Variants in PIEZO2 observed in about 807,000 individuals in gnomAD.
The protein encoded by PIEZO2 is piezo-type mechanosensitive ion channel component 2.
In PIEZO2, 172 loss-of-function variants were observed where a neutral mutation model predicts 337.3. The ratio of observed to expected loss-of-function variants is 0.51; its 90% CI spans 0.45 to 0.58. PIEZO2 has a LOEUF of 0.58. Ranked by LOEUF, PIEZO2 falls within the 20% of genes least tolerant of loss-of-function variation. The pLI is 0.00. For missense variants in PIEZO2, 3,028 were observed against 3,391.3 expected, an observed-to-expected ratio of 0.89 and a Z score of 2.66; for synonymous variants, 1,251 against 1,228.5, an observed-to-expected ratio of 1.02 and a Z score of -0.38.
chr18:10,714,472 G>A (rs1382926522), intron 39 of PIEZO2, among the ~76,000 whole-genome samples: 1 of 151,588 alleles, frequency 6.6e-6, no homozygotes, highest in Non-Finnish European at 1.5e-5. Flanking sequence ...TAACTTTGGG[G>A]TTGGGAGGGA....
At chr18:10,955,892 C>G (rs2033500004) in intron 3 of PIEZO2, among the ~76,000 whole-genome samples, 1 of 152,096 alleles carries the variant, frequency 6.6e-6, no homozygotes, top group Admixed American at 6.6e-5. Context: ...CTACCATATC[C>G]CCAGCATTAG....
Position 10,675,265 on chromosome 18 carries a change from T to A in PIEZO2, c.8105A>T (p.Tyr2702Phe). 19 of 1,541,378 alleles carry A rather than the reference T, an allele frequency of 1.2e-5. No individual in the cohort carries two copies. Among genetic ancestry groups the A allele is most frequent in the Non-Finnish European group, 1.7e-5 (19 of 1,138,942 alleles). Residue 2702 changes from tyrosine (Y) to phenylalanine (F), a missense_variant, in exon 54 of 56, where the codon TAT (tyrosine) becomes TTT (phenylalanine). Tyr to Phe is a conservative substitution (Grantham distance 22, BLOSUM62 3). This residue lies in a region of PIEZO2 where 332 missense variants were observed against 363.8 expected (regional missense o/e 0.91). Coordinates refer to ENST00000674853, the MANE Select transcript of PIEZO2 (RefSeq NM_001378183.1). ...AGAATCACTAGGTGCTTTCACATAATATGGATAAATCTTTTCTATGGTCCT... is the reference window on the plus strand; with the variant it reads ...AGAATCACTAGGTGCTTTCACATAAAATGGATAAATCTTTTCTATGGTCCT... Reference protein sequence around the residue: ...TPVTIEKIYPYYVKAPSDSNS... With the variant: ...TPVTIEKIYPFYVKAPSDSNS...
In PIEZO2 at chr18:10,859,377, C is replaced by T. The variant is rs543236364; in HGVS notation, c.493-2166G>A. Among the ~76,000 whole-genome samples, 6 of 152,328 alleles carry T rather than the reference C, an allele frequency of 3.9e-5. No homozygotes were observed. The South Asian group carries it at 1.0e-3, about 26-fold the overall frequency. ...TGCTCCCAGAGAGGAGCTGCCAGCT[C>T]CAGCCAGTACATCAGACCACTCACC... On this transcript the variant is annotated intron_variant, in intron 5 of 55. Coordinates refer to ENST00000674853, the MANE Select transcript of PIEZO2 (RefSeq NM_001378183.1). This position sits in a 1 kb window ranked among gnomAD's most constrained non-coding sequence, Gnocchi z 4.9.
chr18:10,867,779 C>T (rs1389000955), intron 5 of PIEZO2, among the ~76,000 whole-genome samples: 2 of 152,192 alleles, frequency 1.3e-5, no homozygotes, highest in East Asian at 3.8e-4. Context: ...CTCTTTTCTA[C>T]TCAATTTAAT....
chr18:10,708,809 G>T (rs1277809831), intron 39 of PIEZO2, among the ~76,000 whole-genome samples: 2 of 152,176 alleles, frequency 1.3e-5, no homozygotes, highest in Non-Finnish European at 2.9e-5. Context: ...TGCTTTATTT[G>T]GAGCTTGCAG....
At chr18:11,115,214 G>A (rs569956840) in intron 1 of PIEZO2, among the ~76,000 whole-genome samples, 2 of 152,298 alleles carry the variant, frequency 1.3e-5, no homozygotes, top group South Asian at 4.1e-4. Context: ...CCTATATTAA[G>A]TGTTTGGGAT....
rs2038058419 is a variant in PIEZO2, at chr18:10,759,972, T to C, written c.3451-63A>G. On this transcript the variant is annotated intron_variant, in intron 24 of 55. Coordinates refer to ENST00000674853, the MANE Select transcript of PIEZO2 (RefSeq NM_001378183.1). The surrounding 1 kb of genome is among the most constrained non-coding windows in gnomAD (Gnocchi z 5.5). ...GGCATATGGGAAAGGGGACTGGTGA[T>C]AGGTGTCAGGTCTGTGTAGATGGCG... 2 of 1,415,678 alleles carry C rather than the reference T, an allele frequency of 1.4e-6. No individual in the cohort carries two copies. The highest frequency in any genetic ancestry group is 1.4e-5 in the African/African-American group (1 of 70,562). The allele number at this position is 1,415,678 out of a possible 1,614,324, so 87.7% of individuals were successfully genotyped here.
At chr18:11,123,327 T>C (rs941025295) in intron 1 of PIEZO2, among the ~76,000 whole-genome samples, 19 of 152,374 alleles carry the variant, frequency 1.2e-4, no homozygotes, top group African/African-American at 4.6e-4. Context: ...GTAAAGTAGA[T>C]GCTACAATTA....
At chr18:10,782,511 A>G (rs2039064258) in intron 17 of PIEZO2, among the ~76,000 whole-genome samples, 1 of 132,600 alleles carries the variant, frequency 7.5e-6, no homozygotes, top group African/African-American at 2.8e-5. Flanking sequence ...TATATTATAT[A>G]TATTATTATA....
chr18:10,938,617 T>C (rs113497779), intron 3 of PIEZO2, among the ~76,000 whole-genome samples: 353 of 152,352 alleles, frequency 2.3e-3, no homozygotes, highest in Admixed American at 3.9e-3. Flanking sequence ...AAATATATTG[T>C]TCTAATAGAT....
Position 10,762,550 on chromosome 18 carries a change from T to A in PIEZO2, c.3199A>T (p.Thr1067Ser). Residue 1067 changes from threonine (T) to serine (S), a missense_variant, in exon 23 of 56, where the codon ACA becomes TCA. By Grantham distance (58) the Thr-to-Ser change is moderately conservative (BLOSUM62 1). This residue lies in a region of PIEZO2 where 1,925 missense variants were observed against 2,051.9 expected (regional missense o/e 0.94). Transcript: ENST00000674853. Reference protein sequence around the residue: ...SLLYSAPIDPTEWVGLRKSSP... With the variant: ...SLLYSAPIDPSEWVGLRKSSP... ...GACTTCCGCAGGCCGACCCACTCTG[T>A]AGGATCGATAGGAGCGCTGTAGAGC... The A allele has an allele frequency of 1.3e-6, 2 of 1,537,334 alleles. No homozygotes were observed. Among genetic ancestry groups the A allele is most frequent in the Non-Finnish European group, 1.7e-6 (2 of 1,146,934 alleles).
In PIEZO2 at chr18:11,038,754, A is replaced by C. The variant is rs1437791991; in HGVS notation, c.160+27373T>G. On this transcript the variant is annotated intron_variant, in intron 2 of 55. Coordinates refer to ENST00000674853, the MANE Select transcript of PIEZO2 (RefSeq NM_001378183.1). The surrounding 1 kb of genome is among the most constrained non-coding windows in gnomAD (Gnocchi z 4.1). ...TCTGCATTGATTAAATGTATAATAC[A>C]TGCATACATACAAATAAAATTAGCT... Among the ~76,000 whole-genome samples the C allele has an allele frequency of 6.6e-6, 1 of 152,240 alleles. No individual in the cohort carries two copies. The highest frequency in any genetic ancestry group is 1.5e-5 in the Non-Finnish European group (1 of 68,036).
At chr18:10,836,318 G>A (rs2041012691) in intron 7 of PIEZO2, among the ~76,000 whole-genome samples, 1 of 152,054 alleles carries the variant, frequency 6.6e-6, no homozygotes, top group African/African-American at 2.4e-5. Flanking sequence ...CTTATTTGAA[G>A]GCTTGTGGAT....
rs185577519 is a variant in PIEZO2 at position 11,027,263 on chromosome 18, G to A, written c.160+38864C>T. 8.5e-5 allele frequency among the ~76,000 whole-genome samples: 13 copies of A among 152,298 alleles called. No homozygotes were observed. The highest frequency in any genetic ancestry group is 2.1e-4 in the South Asian group (1 of 4,826). ...TTGTGGAAAAGGAACAGCATGAGCC[G>A]TGACCCCTGAGTTCTGAGCTCCAGT... On this transcript the variant is annotated intron_variant, in intron 2 of 55. Coordinates refer to ENST00000674853, the MANE Select transcript of PIEZO2 (RefSeq NM_001378183.1). This position sits in a 1 kb window ranked among gnomAD's most constrained non-coding sequence, Gnocchi z 4.2.
intron 3 of PIEZO2, among the ~76,000 whole-genome samples, chr18:10,975,825 A>G (rs1003104620): frequency 6.6e-6 from 1 of 152,198 alleles, no homozygotes; most frequent in African/African-American, 2.4e-5. Context: ...TTTGAATACT[A>G]CTTGAATATG....
intron 2 of PIEZO2, among the ~76,000 whole-genome samples, chr18:11,062,973 C>T (rs189016693): frequency 1.0e-3 from 157 of 152,120 alleles, no homozygotes; most frequent in African/African-American, 3.6e-3. Context: ...ATGTTTACTG[C>T]GGCATTATTC....
rs150251817 is a variant in PIEZO2 at position 11,035,381 on chromosome 18, C to T, written c.160+30746G>A. Among the ~76,000 whole-genome samples the T allele has an allele frequency of 1.1e-4, 17 of 152,204 alleles. No individual in the cohort carries two copies. The East Asian group carries it at 1.4e-3, about 12-fold the overall frequency. ...TCTCACCATGCAACAGGCTTGCCCC[C>T]TCCTTGCCTTCCACAATGAGTAAAA... On this transcript the variant is annotated intron_variant, in intron 2 of 55. Coordinates refer to ENST00000674853, the MANE Select transcript of PIEZO2 (RefSeq NM_001378183.1). This position sits in a 1 kb window ranked among gnomAD's most constrained non-coding sequence, Gnocchi z 4.3.
At chr18:10,681,568 C>A in intron 51 of PIEZO2, 93 bp downstream of exon 51, 1 of 1,042,828 alleles carries the variant, frequency 9.6e-7, no homozygotes, top group South Asian at 1.5e-5. Flanking sequence ...CTCCTTCCCA[C>A]CACCTCAGGC....
chr18:10,919,615 C>G (rs1457882690), intron 3 of PIEZO2, among the ~76,000 whole-genome samples: 1 of 152,150 alleles, frequency 6.6e-6, no homozygotes, highest in Admixed American at 6.5e-5. Context: ...TCAACACTCT[C>G]ATCTATGCAT....
Sources: gnomAD v4.1 joint callset for allele counts (sites outside exome capture counted in the v4.1 genomes callset) on GRCh38, gnomAD v4.1.1 for gene constraint, gnomAD v4.1.1 regional missense constraint, Gnocchi (gnomAD v3.1) non-coding constraint, MANE v1.5 for transcripts, NCBI Gene and HGNC (gene_info 2026-07-23, HGNC 2026-07-21) for gene names.